The following AP3B1 variants were observed in gnomAD, a reference collection of about 807,000 sequenced individuals.
AP3B1 encodes AP-3 complex subunit beta-1.
In AP3B1, 61 loss-of-function variants were observed where a neutral mutation model predicts 132.5. The ratio of observed to expected loss-of-function variants is 0.46; its 90% CI spans 0.37 to 0.57. AP3B1 has a LOEUF of 0.57. AP3B1 is among the 20% of genes least tolerant of loss of function. The pLI is 0.00. For synonymous variants in AP3B1, 388 were observed against 438.3 expected, an observed-to-expected ratio of 0.89 and a Z score of 1.43; for missense variants, 1,120 against 1,289.4, an observed-to-expected ratio of 0.87 and a Z score of 2.01.
intron 21 of AP3B1, among the ~76,000 whole-genome samples, chr5:78,100,099 A>G (rs1481001327): frequency 6.6e-6 from 1 of 152,128 alleles, no homozygotes; most frequent in Non-Finnish European, 1.5e-5. Flanking sequence ...CTCCAATTTT[A>G]TTTTTAGTTT....
intron 7 of AP3B1, among the ~76,000 whole-genome samples, chr5:78,184,185 T>C (rs912655258): frequency 2.7e-5 from 4 of 150,636 alleles, no homozygotes; most frequent in Admixed American, 6.6e-5. Flanking sequence ...AAAAAAATTA[T>C]AAAGTTTAAA....
chr5:78,151,107 C>T (rs1337041284), intron 14 of AP3B1, among the ~76,000 whole-genome samples: 5 of 151,926 alleles, frequency 3.3e-5, no homozygotes, highest in African/African-American at 7.3e-5. Flanking sequence ...TTAGAAGAAA[C>T]GAGGTTTTAC....
chr5:78,025,753 G>T (rs1747316019), intron 24 of AP3B1, among the ~76,000 whole-genome samples: 1 of 152,156 alleles, frequency 6.6e-6, no homozygotes, highest in Admixed American at 6.5e-5. Context: ...CACCAGCTCT[G>T]AACTGCCAAC....
At chr5:78,248,492 C>CAAAAAAAAAAAAAAAAAAAAAAA (rs34983157) in intron 2 of AP3B1, among the ~76,000 whole-genome samples, 1 of 71,356 alleles carries the variant, frequency 1.4e-5, no homozygotes, top group African/African-American at 6.0e-5. Flanking sequence ...GACTCTGTCT[C>CAAAAAAAAAAAAAAAAAAAAAAA]AAAAAAAAAA....
intron 1 of AP3B1, among the ~76,000 whole-genome samples, chr5:78,288,636 A>G (rs1749382527): frequency 6.6e-6 from 1 of 152,216 alleles, no homozygotes; most frequent in Admixed American, 6.5e-5. Flanking sequence ...TTTTAACAAC[A>G]TTGGCTAATG....
intron 11 of AP3B1, among the ~76,000 whole-genome samples, chr5:78,170,007 T>A (rs981940901): frequency 1.3e-5 from 2 of 152,110 alleles, no homozygotes; most frequent in Admixed American, 6.5e-5. Context: ...ACATGCAATA[T>A]TTGGTTTTCT....
intron 15 of AP3B1, among the ~76,000 whole-genome samples, chr5:78,130,836 A>G (rs905844707): frequency 5.3e-5 from 8 of 151,998 alleles, no homozygotes; most frequent in African/African-American, 1.2e-4. Flanking sequence ...ATCTGCAACT[A>G]AAATAAAGAA....
intron 26 of AP3B1, among the ~76,000 whole-genome samples, chr5:78,010,257 T>C (rs1746564326): frequency 6.6e-6 from 1 of 151,984 alleles, no homozygotes; most frequent in Admixed American, 6.6e-5. Context: ...TAGGAAAAAA[T>C]ATTTTGAAAT....
At chr5:78,003,958 A>G (rs1029756313) in intron 26 of AP3B1, among the ~76,000 whole-genome samples, 3 of 152,196 alleles carry the variant, frequency 2.0e-5, no homozygotes, top group Admixed American at 2.0e-4. Flanking sequence ...CCTTTTCCAC[A>G]TGAAGCATGT....
At chr5:78,282,264 T>G (rs1033404617) in intron 1 of AP3B1, among the ~76,000 whole-genome samples, 10 of 152,236 alleles carry the variant, frequency 6.6e-5, no homozygotes, top group African/African-American at 2.4e-4. Context: ...CTCTTTTTAT[T>G]TCTGTTAAAG....
chr5:78,107,402 C>A (rs1208434712), intron 20 of AP3B1, among the ~76,000 whole-genome samples: 1 of 152,188 alleles, frequency 6.6e-6, no homozygotes, highest in Admixed American at 6.5e-5. Context: ...CACTCTCACT[C>A]ATGTACACAC....
At chr5:78,073,231 G>A (rs1322134087) in intron 22 of AP3B1, among the ~76,000 whole-genome samples, 1 of 151,990 alleles carries the variant, frequency 6.6e-6, no homozygotes, top group Non-Finnish European at 1.5e-5. Context: ...TTTAGGTCAG[G>A]TTTCTCATGT....
At chr5:78,013,324 T>G (rs555689949) in intron 26 of AP3B1, among the ~76,000 whole-genome samples, 1 of 152,136 alleles carries the variant, frequency 6.6e-6, no homozygotes, top group Non-Finnish European at 1.5e-5. Context: ...GGATGACAGA[T>G]GTAAGCCACC....
In AP3B1 at chr5:78,228,209, G is replaced by A. The variant is rs1746480237; in HGVS notation, c.310C>T (p.Arg104Ter). ...IKKLVYVYLV[R>*]YAEEQQDLAL... is the part of the protein sequence containing the mutation. ...AGATCCTGCTGTTCTTCAGCATATC[G>A]AACCAGGTAAACATATACCAACTTC... Residue 104 changes from arginine to a stop codon, truncating the protein, a stop_gained, in exon 4 of 27, where the codon CGA (arginine) becomes TGA (stop). Coordinates refer to ENST00000255194, the MANE Select transcript of AP3B1 (RefSeq NM_003664.5). LOFTEE classifies it high-confidence loss of function. 1 of 1,610,518 alleles carries A rather than the reference G, an allele frequency of 6.2e-7. No individual in the cohort carries two copies. Among genetic ancestry groups the A allele is most frequent in the Non-Finnish European group, 8.5e-7 (1 of 1,178,660 alleles).
chr5:78,151,811 TTTCC>T (rs539810590), intron 14 of AP3B1, among the ~76,000 whole-genome samples: 8 of 149,044 alleles, frequency 5.4e-5, no homozygotes, highest in Admixed American at 1.3e-4. Flanking sequence ...TCTAGTTTTA[TTTCC>T]TTCCTTCCTT....
intron 17 of AP3B1, among the ~76,000 whole-genome samples, chr5:78,126,144 GAA>G (rs1372475740): frequency 1.3e-5 from 2 of 151,222 alleles, no homozygotes; most frequent in African/African-American, 4.9e-5. Context: ...AATTAGGAGA[GAA>G]AGTATGTCCG....
At chr5:78,092,097 G>A (rs979992323) in intron 21 of AP3B1, among the ~76,000 whole-genome samples, 2 of 152,180 alleles carry the variant, frequency 1.3e-5, no homozygotes, top group Non-Finnish European at 2.9e-5. Context: ...AGTTCTAAAT[G>A]CATGTTTATT....
At chr5:78,225,350 C>T (rs1428862898) in intron 6 of AP3B1, among the ~76,000 whole-genome samples, 192 bp downstream of exon 6, 1 of 151,982 alleles carries the variant, frequency 6.6e-6, no homozygotes, top group Non-Finnish European at 1.5e-5. Context: ...AAACACATAA[C>T]GATCTAAAAC....
intron 2 of AP3B1, among the ~76,000 whole-genome samples, chr5:78,248,072 A>C (rs759799291): frequency 5.9e-5 from 9 of 152,250 alleles, no homozygotes; most frequent in Non-Finnish European, 8.8e-5. Context: ...GTGCTCAAAC[A>C]GCATATCTTT....
Sources: allele counts gnomAD v4.1 joint callset (sites outside exome capture counted in the v4.1 genomes callset), GRCh38; gene constraint gnomAD v4.1.1; transcripts MANE v1.5; gene names NCBI Gene and HGNC (gene_info 2026-07-23, HGNC 2026-07-21).